Variants in CSMD2 observed in about 807,000 individuals in gnomAD.
CSMD2 encodes the protein CUB and Sushi multiple domains 2.
CSMD2 carries 130 observed loss-of-function variants against 398.5 expected under a neutral mutation model. That is an observed-to-expected ratio of 0.33 (90% CI 0.28 to 0.38). The LOEUF is 0.38. Ranked by LOEUF, CSMD2 falls within the 10% of genes least tolerant of loss-of-function variation. The pLI is 1.00. For missense variants in CSMD2, 3,829 were observed against 4,764.9 expected, an observed-to-expected ratio of 0.80 and a Z score of 5.78; for synonymous variants, 1,828 against 1,908.5, an observed-to-expected ratio of 0.96 and a Z score of 1.10.
chr1:33,794,737 T>G (rs2124887793), intron 10 of CSMD2, among the ~76,000 whole-genome samples: 1 of 152,332 alleles, frequency 6.6e-6, no homozygotes, highest in East Asian at 1.9e-4. Flanking sequence ...CGGAGTCCAA[T>G]TCGCAGCAAG....
intron 37 of CSMD2, among the ~76,000 whole-genome samples, chr1:33,621,551 A>G (rs573771478): frequency 2.0e-5 from 3 of 152,336 alleles, no homozygotes; most frequent in South Asian, 4.1e-4. Flanking sequence ...AGTGTAAAAA[A>G]TGCTGCTGCC....
intron 2 of CSMD2, among the ~76,000 whole-genome samples, chr1:34,071,390 T>A (rs1043618326): frequency 6.6e-6 from 1 of 152,234 alleles, no homozygotes; most frequent in African/African-American, 2.4e-5. Flanking sequence ...GGTGCAGTAA[T>A]ACGTGAGGTC....
At chr1:33,551,657 A>G (rs1403178158) in intron 55 of CSMD2, among the ~76,000 whole-genome samples, 1 of 152,188 alleles carries the variant, frequency 6.6e-6, no homozygotes, top group Non-Finnish European at 1.5e-5. Context: ...TGGGTCAAAC[A>G]TTGTTCTAAA....
At chr1:34,113,548 C>T (rs567297292) in intron 1 of CSMD2, among the ~76,000 whole-genome samples, 14 of 152,232 alleles carry the variant, frequency 9.2e-5, no homozygotes, top group African/African-American at 3.4e-4. Flanking sequence ...AAATCCCTGG[C>T]GCCCCCTCAT....
chr1:33,578,252 A>G (rs1331418579), intron 48 of CSMD2, among the ~76,000 whole-genome samples: 1 of 152,208 alleles, frequency 6.6e-6, no homozygotes, highest in African/African-American at 2.4e-5. Flanking sequence ...TCTTCCAGAT[A>G]TTGTTCTAAG....
At chr1:33,890,662 T>C (rs918963721) in intron 5 of CSMD2, among the ~76,000 whole-genome samples, 1 of 151,914 alleles carries the variant, frequency 6.6e-6, no homozygotes, top group African/African-American at 2.4e-5. Flanking sequence ...AAGGCTACAG[T>C]AACCAAAACA....
At chr1:33,664,359 C>T (rs1409564310) in intron 25 of CSMD2, among the ~76,000 whole-genome samples, 1 of 152,118 alleles carries the variant, frequency 6.6e-6, no homozygotes, top group African/African-American at 2.4e-5. Context: ...AAACATCACC[C>T]TCATTTTTCT....
At chr1:34,057,278 A>G (rs1558312167) in intron 2 of CSMD2, among the ~76,000 whole-genome samples, 1 of 152,168 alleles carries the variant, frequency 6.6e-6, no homozygotes, top group Non-Finnish European at 1.5e-5. Context: ...GATATGCAAC[A>G]GCGCTGAAAA....
At chr1:34,057,905 C>T in intron 2 of CSMD2, among the ~76,000 whole-genome samples, 1 of 152,190 alleles carries the variant, frequency 6.6e-6, no homozygotes, top group South Asian at 2.1e-4. Flanking sequence ...CACTGGCAGG[C>T]AAGCTGGGGG....
intron 6 of CSMD2, among the ~76,000 whole-genome samples, chr1:33,826,513 C>G (rs1658840462): frequency 2.0e-5 from 3 of 152,206 alleles, no homozygotes; most frequent in African/African-American, 7.2e-5. Context: ...CAAGCCCAGC[C>G]TACATAAGCC....
intron 2 of CSMD2, among the ~76,000 whole-genome samples, chr1:34,070,118 A>G (rs1655551198): frequency 1.3e-5 from 2 of 152,272 alleles, no homozygotes; most frequent in Admixed American, 1.3e-4. Flanking sequence ...ACTCCAAAAT[A>G]GAAGAAGCCC....
intron 27 of CSMD2, among the ~76,000 whole-genome samples, chr1:33,654,109 C>T (rs1042509746): frequency 9.8e-5 from 15 of 152,286 alleles, no homozygotes; most frequent in African/African-American, 3.1e-4. Context: ...AACATAAAAT[C>T]CGAGTGGTCA....
chr1:33,605,718 G>A (rs1030214005), intron 41 of CSMD2: 2 of 768,232 alleles, frequency 2.6e-6, no homozygotes, highest in Admixed American at 2.8e-5. Flanking sequence ...CATGGTGAAA[G>A]CTCAGTAAAT....
chr1:34,016,270 G>A (rs1381706152), intron 3 of CSMD2, among the ~76,000 whole-genome samples: 1 of 151,984 alleles, frequency 6.6e-6, no homozygotes, highest in African/African-American at 2.4e-5. Context: ...AGCCCCTCAT[G>A]CATTAGGTAT....
At position 33,653,882 on chromosome 1, in the gene CSMD2, T is replaced by C. The variant is rs575873576; in HGVS notation, c.4448-1421A>G. Among the ~76,000 whole-genome samples the C allele has an allele frequency of 1.3e-5, 2 of 152,154 alleles. 1 individual carries two copies. Among genetic ancestry groups the C allele is most frequent in the African/African-American group, 4.8e-5 (2 of 41,496 alleles). ...CTGGCTAGAAAATCCAAGATGAGTC[T>C]TTGTGGGGGGAGCAAAAGGGTATAC... On this transcript the variant is annotated intron_variant, in intron 27 of 70. Coordinates refer to ENST00000373381, the MANE Select transcript of CSMD2 (RefSeq NM_001281956.2).
At chr1:33,965,585 T>G (rs1406848129) in intron 3 of CSMD2, among the ~76,000 whole-genome samples, 1 of 152,192 alleles carries the variant, frequency 6.6e-6, no homozygotes, top group Non-Finnish European at 1.5e-5. Context: ...GGGATTCTCA[T>G]CTAATGCTAC....
chr1:33,884,692 A>G (rs1296564596), intron 5 of CSMD2: 1 of 152,266 alleles, frequency 6.6e-6, no homozygotes, highest in Admixed American at 6.5e-5. Context: ...CAAAGCTGAT[A>G]ATGTTACTCC....
At chr1:33,914,385 A>AGTGTGTGT (rs72433922) in intron 5 of CSMD2, among the ~76,000 whole-genome samples, 129 of 139,806 alleles carry the variant, frequency 9.2e-4, no homozygotes, top group African/African-American at 3.4e-3. Flanking sequence ...ACGATTTGGC[A>AGTGTGTGT]GTGTGTGTGT....
At chr1:34,001,852 C>T (rs1455914084) in intron 3 of CSMD2, among the ~76,000 whole-genome samples, 2 of 152,058 alleles carry the variant, frequency 1.3e-5, no homozygotes, top group African/African-American at 2.4e-5. Context: ...AATATACATG[C>T]GCTAACCTCC....
Sources: allele counts gnomAD v4.1 joint callset (sites outside exome capture counted in the v4.1 genomes callset), GRCh38; gene constraint gnomAD v4.1.1; transcripts MANE v1.5; gene names NCBI Gene and HGNC (gene_info 2026-07-23, HGNC 2026-07-21).